The following FAM135A variants were observed in gnomAD, a reference collection of about 807,000 sequenced individuals.
FAM135A encodes family with sequence similarity 135 member A.
In FAM135A, 79 loss-of-function variants were observed where a neutral mutation model predicts 146.8. The observed-to-expected ratio is 0.54, with a 90% CI of 0.45 to 0.65. The LOEUF is 0.65. Among genes scored for constraint, FAM135A ranks in the 30% least tolerant of loss-of-function variants. FAM135A has a pLI of 0.00. For synonymous variants in FAM135A, 562 were observed against 603.6 expected (o/e 0.93, Z 1.01); for missense variants, 1,623 against 1,758.2 (o/e 0.92, Z 1.38).
At chr6:70,545,051 C>T (rs892410711) in intron 20 of FAM135A, among the ~76,000 whole-genome samples, 2 of 137,514 alleles carry the variant, frequency 1.5e-5, no homozygotes, top group African/African-American at 5.3e-5. Context: ...AACTCTGTCT[C>T]AAAAAAAAAA....
intron 2 of FAM135A, among the ~76,000 whole-genome samples, chr6:70,416,447 G>A (rs1767595534): frequency 6.6e-6 from 1 of 152,044 alleles, no homozygotes; most frequent in Admixed American, 6.5e-5. Context: ...TGTTGTGAGG[G>A]CTGTTTAGGG....
rs1018572554 is a variant in FAM135A at position 70,475,305 on chromosome 6, A to G, written c.158-105A>G. The G allele has an allele frequency of 5.5e-6, 5 of 907,156 alleles. No homozygotes were observed. In the African/African-American group the frequency reaches 8.7e-5, roughly 16 times the overall value. 56.2% of individuals were successfully genotyped at this position (907,156 alleles called of 1,614,324 possible). On this transcript the variant is annotated intron_variant, in intron 5 of 21. Coordinates refer to ENST00000418814, the MANE Select transcript of FAM135A (RefSeq NM_001162529.3). ...TACTGCAGTATAAATTGATAATGAC[A>G]CTATAGTAATATAATCAAACATACA... is the stretch of plus-strand genomic sequence containing the variant.
chr6:70,506,492 G>A (rs1254999913), intron 12 of FAM135A, among the ~76,000 whole-genome samples: 1 of 152,142 alleles, frequency 6.6e-6, no homozygotes, highest in African/African-American at 2.4e-5. Flanking sequence ...GAATGTGGCT[G>A]TGTTTCAATA....
intron 4 of FAM135A, among the ~76,000 whole-genome samples, chr6:70,449,000 C>A (rs1005411513): frequency 2.0e-5 from 3 of 152,160 alleles, no homozygotes; most frequent in Admixed American, 6.5e-5. Flanking sequence ...TTGTTAATGG[C>A]CAGTTTTGGA....
chr6:70,455,423 CAT>C (rs1219005921), intron 5 of FAM135A, among the ~76,000 whole-genome samples: 8 of 151,280 alleles, frequency 5.3e-5, no homozygotes, highest in African/African-American at 1.7e-4. Flanking sequence ...CGTATATATA[CAT>C]GTGTATGTGT....
chr6:70,528,280 A>C lies in FAM135A; in HGVS notation c.3615-12A>C, dbSNP rs757730660. ...ATCCTTAGTAAAGAGTATCTTTTGT[A>C]TTTTGCTTCAGCTTCCTTCAGGCAA... On this transcript the variant is annotated splice_polypyrimidine_tract_variant and intron_variant, in intron 15 of 21. Coordinates refer to ENST00000418814, the MANE Select transcript of FAM135A (RefSeq NM_001162529.3). 6.3e-7 allele frequency: 1 copy of C among 1,599,722 alleles called. No individual in the cohort carries two copies. Among genetic ancestry groups the C allele is most frequent in the African/African-American group, 1.3e-5 (1 of 74,490 alleles).
At position 70,524,800 on chromosome 6, in the gene FAM135A, A is replaced by G. The variant is rs1426998228; in HGVS notation, c.1716A>G (p.Glu572=). 3 of 1,554,856 alleles carry G rather than the reference A, an allele frequency of 1.9e-6. No homozygotes were observed. The highest frequency in any genetic ancestry group is 1.7e-6 in the Non-Finnish European group (2 of 1,148,600). ...KTYMRQTSQK[E]ASCLPTNTER... The stretch of plus-strand genomic sequence containing the variant: ...ACATGAGACAGACAAGTCAAAAGGA[A>G]GCTAGCTGTTTGCCAACTAATACAG... Residue 572 remains glutamate (E), a synonymous_variant, in exon 15 of 22, where the codon GAA becomes GAG. Transcript: ENST00000418814.
intron 20 of FAM135A, among the ~76,000 whole-genome samples, chr6:70,539,805 C>CT (rs1303186696): frequency 5.3e-5 from 8 of 152,186 alleles, no homozygotes; most frequent in African/African-American, 1.7e-4. Flanking sequence ...ACCATCCTGG[C>CT]TAACACGGTG....
At chr6:70,529,611 A>G (rs1795402496) in intron 16 of FAM135A, among the ~76,000 whole-genome samples, 1 of 152,086 alleles carries the variant, frequency 6.6e-6, no homozygotes, top group Non-Finnish European at 1.5e-5. Context: ...TAAGAAGCAA[A>G]TTATCCCTAT....
intron 10 of FAM135A, among the ~76,000 whole-genome samples, chr6:70,490,623 G>C (rs960608488): frequency 6.6e-6 from 1 of 151,952 alleles, no homozygotes; most frequent in African/African-American, 2.4e-5. Context: ...AATTTTACTT[G>C]AGCATTTTAG....
intron 20 of FAM135A, among the ~76,000 whole-genome samples, chr6:70,550,439 A>G (rs936586801): frequency 4.6e-5 from 7 of 152,238 alleles, no homozygotes; most frequent in African/African-American, 1.2e-4. Flanking sequence ...CCACATGGAA[A>G]CATCATTAAT....
At chr6:70,539,196 C>T (rs926255971) in intron 20 of FAM135A, among the ~76,000 whole-genome samples, 8 of 151,970 alleles carry the variant, frequency 5.3e-5, no homozygotes, top group Non-Finnish European at 1.0e-4. Context: ...ATGTTATTGC[C>T]GCTTACTTCT....
chr6:70,460,149 A>G (rs769940829), intron 5 of FAM135A, among the ~76,000 whole-genome samples: 1 of 152,200 alleles, frequency 6.6e-6, no homozygotes, highest in African/African-American at 2.4e-5. Context: ...CCATAGGGAC[A>G]TTGTCAATGG....
Position 70,435,165 on chromosome 6 carries a change from G to A in FAM135A, c.77+6746G>A, listed in dbSNP as rs918712035. On this transcript the variant is annotated intron_variant, in intron 4 of 21. Coordinates refer to ENST00000418814, the MANE Select transcript of FAM135A (RefSeq NM_001162529.3). ...CTTGCCCAGGCTGGAGGGCAGTGGCGTGATCTTGGCTCACTGCAACCTCTG... is the reference window on the plus strand; with the variant it reads ...CTTGCCCAGGCTGGAGGGCAGTGGCATGATCTTGGCTCACTGCAACCTCTG... 1.1e-4 allele frequency among the ~76,000 whole-genome samples: 16 copies of A among 147,694 alleles called. No homozygotes were observed. The South Asian group carries it at 3.0e-3, about 28-fold the overall frequency.
intron 4 of FAM135A, among the ~76,000 whole-genome samples, chr6:70,450,194 C>A (rs548246958): frequency 1.1e-4 from 16 of 151,568 alleles, no homozygotes; most frequent in African/African-American, 3.4e-4. Context: ...AATATTTAAA[C>A]TTTTTTTTTC....
chr6:70,428,393 C>T lies in FAM135A; in HGVS notation c.51C>T (p.Phe17=). The T allele has an allele frequency of 6.2e-7, 1 of 1,603,026 alleles. No individual in the cohort carries two copies. The highest frequency in any genetic ancestry group is 8.5e-7 in the Non-Finnish European group (1 of 1,174,994). The change falls in exon 4 of 22, where the codon TTC becomes TTT. Residue 17 remains phenylalanine, a synonymous_variant. Coordinates refer to ENST00000418814, the MANE Select transcript of FAM135A (RefSeq NM_001162529.3). ...AATTCTCTGTGGAGCTAAACAAGTTCTACAATGTGGATTTGTTTCAGAGAG... is the reference window on the plus strand; with the variant it reads ...AATTCTCTGTGGAGCTAAACAAGTTTTACAATGTGGATTTGTTTCAGAGAG... ...MVEFSVELNK[F]YNVDLFQRGF...
At chr6:70,501,568 T>C (rs1016187065) in intron 11 of FAM135A, among the ~76,000 whole-genome samples, 1 of 152,168 alleles carries the variant, frequency 6.6e-6, no homozygotes, top group African/African-American at 2.4e-5. Flanking sequence ...GCTAGCTCAG[T>C]GTCTGCCCAA....
In FAM135A at chr6:70,487,811, T is replaced by C. The variant is rs1039090785; in HGVS notation, c.824-3223T>C. ...CCTATCAGTTTACATGTGAGCATTC[T>C]AAATAATTTTACAGAATGCAGTTTA... is the stretch of plus-strand genomic sequence containing the variant. On this transcript the variant is annotated intron_variant, in intron 10 of 21. Coordinates refer to ENST00000418814, the MANE Select transcript of FAM135A (RefSeq NM_001162529.3). Among the ~76,000 whole-genome samples, 4 of 152,314 alleles carry C rather than the reference T, an allele frequency of 2.6e-5. No individual in the cohort carries two copies. In the East Asian group the frequency reaches 7.7e-4, roughly 29 times the overall value.
At chr6:70,494,284 G>A (rs1297869189) in intron 11 of FAM135A, among the ~76,000 whole-genome samples, 1 of 151,710 alleles carries the variant, frequency 6.6e-6, no homozygotes, top group Non-Finnish European at 1.5e-5. Flanking sequence ...AATCAAACAA[G>A]ATCAGTGAAT....
Sources: allele counts gnomAD v4.1 joint callset (sites outside exome capture counted in the v4.1 genomes callset), GRCh38; gene constraint gnomAD v4.1.1; transcripts MANE v1.5; gene names NCBI Gene and HGNC (gene_info 2026-07-23, HGNC 2026-07-21).